The following ST8SIA1 variants were observed in gnomAD, a reference collection of about 807,000 sequenced individuals.
The protein encoded by ST8SIA1 is alpha-N-acetylneuraminide alpha-2,8-sialyltransferase.
Under a neutral mutation model 35.9 loss-of-function variants are expected in ST8SIA1, and 16 were observed. The ratio of observed to expected loss-of-function variants is 0.45; its 90% confidence interval spans 0.30 to 0.68. The LOEUF is 0.68. ST8SIA1 is among the 30% of genes least tolerant of loss of function. The pLI is 0.09. For missense variants in ST8SIA1, 383 were observed against 453.6 expected (o/e 0.84, Z 1.41); for synonymous variants, 170 against 169.6 (o/e 1.00, Z -0.02).
chr12:22,257,786 G>A (rs749914122), intron 2 of ST8SIA1, among the ~76,000 whole-genome samples: 4 of 152,024 alleles, frequency 2.6e-5, no homozygotes, highest in Non-Finnish European at 4.4e-5. Flanking sequence ...AATACATTCT[G>A]CAGGGCCTTA....
intron 4 of ST8SIA1, among the ~76,000 whole-genome samples, chr12:22,206,750 C>T (rs1248578327): frequency 2.0e-5 from 3 of 152,164 alleles, no homozygotes; most frequent in Non-Finnish European, 4.4e-5. Context: ...AGTCACCAAA[C>T]AAGAACACAC....
At chr12:22,293,775 T>C (rs1591847025) in intron 1 of ST8SIA1, among the ~76,000 whole-genome samples, 1 of 152,320 alleles carries the variant, frequency 6.6e-6, no homozygotes, top group African/African-American at 2.4e-5. Flanking sequence ...AGTTACTCCT[T>C]CTATTCTCAA....
intron 2 of ST8SIA1, among the ~76,000 whole-genome samples, chr12:22,259,709 G>A (rs981276001): frequency 2.0e-5 from 3 of 151,714 alleles, no homozygotes; most frequent in Non-Finnish European, 4.4e-5. Flanking sequence ...CTTGTGATCC[G>A]CCTGCCTCGG....
intron 4 of ST8SIA1, among the ~76,000 whole-genome samples, chr12:22,226,227 C>T (rs1489464664): frequency 6.6e-6 from 1 of 152,184 alleles, no homozygotes; most frequent in Non-Finnish European, 1.5e-5. Context: ...TTTAAAGAAT[C>T]ATTCACATCT....
intron 2 of ST8SIA1, among the ~76,000 whole-genome samples, chr12:22,265,311 T>A (rs1010638280): frequency 6.6e-6 from 1 of 152,228 alleles, no homozygotes; most frequent in Non-Finnish European, 1.5e-5. Context: ...AAACACGGAA[T>A]AAGCAGCAGC....
chr12:22,274,831 T>C (rs1865950973), intron 2 of ST8SIA1, among the ~76,000 whole-genome samples: 1 of 152,188 alleles, frequency 6.6e-6, no homozygotes, highest in South Asian at 2.1e-4. Context: ...ATTCAGCACA[T>C]TTTAATTTAC....
At chr12:22,280,453 G>C (rs1866019579) in intron 2 of ST8SIA1, among the ~76,000 whole-genome samples, 1 of 152,160 alleles carries the variant, frequency 6.6e-6, no homozygotes, top group Non-Finnish European at 1.5e-5. Flanking sequence ...ATGTGACTCA[G>C]TGGTAATTGG....
At chr12:22,235,759 T>A (rs1335628532) in intron 4 of ST8SIA1, among the ~76,000 whole-genome samples, 1 of 152,188 alleles carries the variant, frequency 6.6e-6, no homozygotes, top group Non-Finnish European at 1.5e-5. Context: ...ACTGCTAAAG[T>A]GGCGTTTCCC....
chr12:22,330,764 A>G (rs900113565), intron 1 of ST8SIA1, among the ~76,000 whole-genome samples: 4 of 152,198 alleles, frequency 2.6e-5, no homozygotes, highest in African/African-American at 9.6e-5. Context: ...AATTGTTACT[A>G]TTATTGTTAC....
chr12:22,328,499 C>T (rs984976064), intron 1 of ST8SIA1, among the ~76,000 whole-genome samples: 3 of 152,072 alleles, frequency 2.0e-5, no homozygotes, highest in African/African-American at 7.2e-5. Context: ...GTATATTTCT[C>T]TGTTTATTTT....
At chr12:22,333,607 GCTT>G (rs1318836048) in intron 1 of ST8SIA1, among the ~76,000 whole-genome samples, 1 of 152,194 alleles carries the variant, frequency 6.6e-6, no homozygotes, top group African/African-American at 2.4e-5. Flanking sequence ...CCTTTTACCT[GCTT>G]CTTGTTCCCT....
chr12:22,301,178 AG>A (rs1367516044), intron 1 of ST8SIA1, among the ~76,000 whole-genome samples: 3 of 152,032 alleles, frequency 2.0e-5, no homozygotes, highest in Non-Finnish European at 2.9e-5. Flanking sequence ...CCTCCTTAGA[AG>A]GTGGTTTTAT....
intron 1 of ST8SIA1, among the ~76,000 whole-genome samples, chr12:22,329,267 T>C (rs541651386): frequency 6.6e-6 from 1 of 152,316 alleles, no homozygotes; most frequent in East Asian, 1.9e-4. Context: ...TCCATCATTT[T>C]GTTCATGGAT....
intron 1 of ST8SIA1, among the ~76,000 whole-genome samples, chr12:22,318,215 T>C (rs2135838203): frequency 6.6e-6 from 1 of 152,338 alleles, no homozygotes; most frequent in Middle Eastern, 3.4e-3. Flanking sequence ...CATTATCACA[T>C]AGATTCCACT....
chr12:22,275,553 C>CA (rs1218146859), intron 2 of ST8SIA1, among the ~76,000 whole-genome samples: 37 of 145,004 alleles, frequency 2.6e-4, no homozygotes, highest in South Asian at 2.0e-3. Flanking sequence ...GACTCCGTGT[C>CA]AAAAAAAAAA....
At chr12:22,269,680 A>T (rs1432302810) in intron 2 of ST8SIA1, among the ~76,000 whole-genome samples, 1 of 152,216 alleles carries the variant, frequency 6.6e-6, no homozygotes, top group Non-Finnish European at 1.5e-5. Context: ...GGTAGCTGAG[A>T]AACGGGAGTA....
intron 4 of ST8SIA1, among the ~76,000 whole-genome samples, chr12:22,220,395 A>AAG (rs543259677): frequency 3.3e-5 from 5 of 152,178 alleles, no homozygotes; most frequent in Non-Finnish European, 5.9e-5. Flanking sequence ...CATATTGAAT[A>AAG]AGAGAGAGAG....
intron 3 of ST8SIA1, 38 bp from the exon 4 acceptor site, chr12:22,249,136 A>T: frequency 7.6e-7 from 1 of 1,318,548 alleles, no homozygotes; most frequent in Non-Finnish European, 1.1e-6. Flanking sequence ...AACAATTTGC[A>T]TAGTTTTAAA....
rs1256305484 is a variant in ST8SIA1, at chr12:22,201,364, T to C, written c.*188A>G. ...ATGTGCTATAAAGTATTTCATAGGA[T>C]GTTTCATTTCTTATTTGTCCTCCAA... On this transcript the variant is annotated 3_prime_UTR_variant, in exon 5 of 5. Coordinates refer to ENST00000396037, the MANE Select transcript of ST8SIA1 (RefSeq NM_003034.4). 1 of 688,146 alleles carries C rather than the reference T, an allele frequency of 1.5e-6. No homozygotes were observed. The highest frequency in any genetic ancestry group is 2.3e-6 in the Non-Finnish European group (1 of 432,188). 42.6% of individuals were successfully genotyped at this position (688,146 alleles called of 1,614,324 possible).
Sources: allele counts gnomAD v4.1 joint callset (sites outside exome capture counted in the v4.1 genomes callset), GRCh38; gene constraint gnomAD v4.1.1; transcripts MANE v1.5; gene names NCBI Gene and HGNC (gene_info 2026-07-23, HGNC 2026-07-21).